The following PTPRN2 variants were observed in gnomAD, a reference collection of about 807,000 sequenced individuals.
PTPRN2 encodes receptor-type tyrosine-protein phosphatase N2.
A neutral mutation model predicts 118.8 loss-of-function variants in PTPRN2; 74 were observed. That is an observed-to-expected ratio of 0.62 (90% confidence interval 0.52 to 0.76). The LOEUF is 0.76. PTPRN2 is among the 30% of genes least tolerant of loss of function. The pLI, the probability that PTPRN2 is intolerant of heterozygous loss-of-function variation, is 0.00. For missense variants in PTPRN2, 1,481 were observed against 1,394.4 expected, an observed-to-expected ratio of 1.06 and a Z score of -0.99; for synonymous variants, 641 against 608.0, an observed-to-expected ratio of 1.05 and a Z score of -0.80.
rs542697709 is a variant in PTPRN2, at chr7:157,818,661, G to A, written c.1788+80012C>T. Among the ~76,000 whole-genome samples, 70 of 146,366 alleles carry A rather than the reference G, an allele frequency of 4.8e-4. No homozygotes were observed. The South Asian group carries it at 0.013, about 27-fold the overall frequency. On this transcript the variant is annotated intron_variant, in intron 12 of 22. Transcript: ENST00000389418. ...CAAGGCCCTGGGTGTGAGTCCCTGGGATGCTAAAATTTAATTTCCTCATGT... is the reference window on the plus strand; with the variant it reads ...CAAGGCCCTGGGTGTGAGTCCCTGGAATGCTAAAATTTAATTTCCTCATGT...
intron 3 of PTPRN2, among the ~76,000 whole-genome samples, chr7:158,269,917 A>T (rs1382972464): frequency 9.0e-6 from 1 of 110,660 alleles, no homozygotes; most frequent in Admixed American, 8.9e-5. Context: ...GAGACAGAGA[A>T]ACAGAGAGAC....
At chr7:158,359,927 AGAGT>A (rs1180355574) in intron 2 of PTPRN2, among the ~76,000 whole-genome samples, 1 of 152,068 alleles carries the variant, frequency 6.6e-6, no homozygotes, top group Non-Finnish European at 1.5e-5. Flanking sequence ...TCAGCTGTGG[AGAGT>A]GAGAAGACAA....
intron 11 of PTPRN2, among the ~76,000 whole-genome samples, chr7:158,072,094 CGTAGTATGGAGGTG>C (rs1811970302): frequency 7.7e-6 from 1 of 130,618 alleles, no homozygotes; most frequent in Non-Finnish European, 1.8e-5. Flanking sequence ...TGGAGGTGCT[CGTAGTATGGAGGTG>C]CTCATGGTGG....
intron 1 of PTPRN2, among the ~76,000 whole-genome samples, chr7:158,530,818 C>G (rs951927431): frequency 6.6e-6 from 1 of 152,134 alleles, no homozygotes; most frequent in Non-Finnish European, 1.5e-5. Flanking sequence ...TCCTGAGGGG[C>G]GAGGCAAGAG....
chr7:157,695,084 A>G (rs896968313), intron 12 of PTPRN2, among the ~76,000 whole-genome samples: 3 of 152,144 alleles, frequency 2.0e-5, no homozygotes, highest in African/African-American at 7.2e-5. Flanking sequence ...CACATTTGTT[A>G]TGTGTAAAAC....
chr7:157,552,158 A>ACG (rs1028343401), intron 21 of PTPRN2, among the ~76,000 whole-genome samples: 42 of 152,242 alleles, frequency 2.8e-4, no homozygotes, highest in African/African-American at 8.9e-4. Flanking sequence ...CGTGTACCCC[A>ACG]CGGCCACCAC....
chr7:158,382,640 G>A (rs916816100), intron 2 of PTPRN2, among the ~76,000 whole-genome samples: 11 of 152,112 alleles, frequency 7.2e-5, no homozygotes, highest in Non-Finnish European at 1.5e-5. Flanking sequence ...CAGCGGTGGT[G>A]TTAGATTTTA....
chr7:158,151,053 CACACTG>C (rs1820992002), intron 6 of PTPRN2, among the ~76,000 whole-genome samples: 2 of 143,572 alleles, frequency 1.4e-5, no homozygotes, highest in African/African-American at 2.6e-5. Context: ...CCTGCCTGCC[CACACTG>C]CCCGCCTTTC....
chr7:158,280,628 G>T (rs370363222), intron 3 of PTPRN2, among the ~76,000 whole-genome samples: 2 of 152,250 alleles, frequency 1.3e-5, no homozygotes, highest in Non-Finnish European at 2.9e-5. Context: ...GAGAGAGCCT[G>T]GGGGAGCCGG....
intron 11 of PTPRN2, among the ~76,000 whole-genome samples, chr7:157,925,786 C>T (rs930115447): frequency 3.4e-5 from 5 of 149,172 alleles, no homozygotes; most frequent in South Asian, 4.3e-4. Flanking sequence ...AGAGAAACGA[C>T]GCTGAATCAC....
Position 158,033,819 on chromosome 7 carries a change from C to T in PTPRN2, c.1723+47479G>A, listed in dbSNP as rs370552239. ...TGTGGCTGACTGCACGCTGAGACCTCGATAGAAACTGCACACTGAGGCCCG... is the reference window on the plus strand; with the variant it reads ...TGTGGCTGACTGCACGCTGAGACCTTGATAGAAACTGCACACTGAGGCCCG... On this transcript the variant is annotated intron_variant, in intron 11 of 22. Transcript: ENST00000389418. 3.8e-4 allele frequency among the ~76,000 whole-genome samples: 57 copies of T among 148,196 alleles called. 2 individuals are homozygous for T. Among genetic ancestry groups the T allele is most frequent in the East Asian group, 1.6e-3 (8 of 4,914 alleles).
At chr7:158,114,505 C>T (rs947247945) in intron 9 of PTPRN2, among the ~76,000 whole-genome samples, 5 of 152,170 alleles carry the variant, frequency 3.3e-5, no homozygotes, top group African/African-American at 9.7e-5. Flanking sequence ...GAAGACGTGC[C>T]GCGGGAATGC....
chr7:158,149,338 G>A (rs1199436731), intron 6 of PTPRN2, among the ~76,000 whole-genome samples: 1 of 151,692 alleles, frequency 6.6e-6, no homozygotes, highest in East Asian at 1.9e-4. Context: ...TTAACCCCTG[G>A]AAATTAACAA....
chr7:157,771,841 G>A (rs1224709840), intron 12 of PTPRN2, among the ~76,000 whole-genome samples: 1 of 135,560 alleles, frequency 7.4e-6, no homozygotes, highest in African/African-American at 2.9e-5. Flanking sequence ...ACAGACACAA[G>A]ACACAAACAG....
chr7:157,772,022 G>GCACA (rs1247287393), intron 12 of PTPRN2, among the ~76,000 whole-genome samples: 1 of 116,536 alleles, frequency 8.6e-6, no homozygotes, highest in South Asian at 2.8e-4. Flanking sequence ...ACAGACACAC[G>GCACA]CACACACAGA....
At chr7:158,169,370 G>A (rs1017231692) in intron 5 of PTPRN2, among the ~76,000 whole-genome samples, 1 of 151,726 alleles carries the variant, frequency 6.6e-6, no homozygotes, top group Non-Finnish European at 1.5e-5. Context: ...TGCCTCCCAA[G>A]TAGCTGGGAC....
chr7:158,465,205 C>A (rs1288422120), intron 2 of PTPRN2, among the ~76,000 whole-genome samples: 1 of 152,218 alleles, frequency 6.6e-6, no homozygotes, highest in African/African-American at 2.4e-5. Flanking sequence ...CGAAGTGACA[C>A]TCTGGTGGCT....
chr7:157,870,246 T>C (rs1326738415), intron 12 of PTPRN2, among the ~76,000 whole-genome samples: 1 of 152,224 alleles, frequency 6.6e-6, no homozygotes, highest in African/African-American at 2.4e-5. Context: ...CTGCTGTTTC[T>C]GCTGTTAATT....
At position 158,230,292 on chromosome 7, in the gene PTPRN2, G is replaced by T. The variant is rs141144502; in HGVS notation, c.278-25019C>A. On this transcript the variant is annotated intron_variant, in intron 3 of 22. Coordinates refer to ENST00000389418, the MANE Select transcript of PTPRN2 (RefSeq NM_002847.5). ...AGTCTGAAAGAAAAAAAAGTAACATGCAAAAAGAAAATATTTGAAGGTATA... is the reference window on the plus strand; with the variant it reads ...AGTCTGAAAGAAAAAAAAGTAACATTCAAAAAGAAAATATTTGAAGGTATA... Among the ~76,000 whole-genome samples, 778 of 152,232 alleles carry T rather than the reference G, an allele frequency of 5.1e-3. 5 individuals carry two copies. The highest frequency in any genetic ancestry group is 0.018 in the African/African-American group (731 of 41,544).
Sources: gnomAD v4.1 joint callset for allele counts (sites outside exome capture counted in the v4.1 genomes callset) on GRCh38, gnomAD v4.1.1 for gene constraint, MANE v1.5 for transcripts, NCBI Gene and HGNC (gene_info 2026-07-23, HGNC 2026-07-21) for gene names.